The following CFAP61 variants were observed in gnomAD, a reference collection of about 807,000 sequenced individuals.
CFAP61 encodes the protein cilia- and flagella-associated protein 61.
Under a neutral mutation model 135.6 loss-of-function variants are expected in CFAP61, and 107 were observed. The ratio of observed to expected loss-of-function variants is 0.79; its 90% CI spans 0.67 to 0.93. CFAP61 has a LOEUF of 0.93. Among genes scored for constraint, CFAP61 ranks in the 40% least tolerant of loss-of-function variants. The probability of loss-of-function intolerance (pLI) is 0.00; values close to 1 mark genes in which losing one functional copy is unlikely to be tolerated. For missense variants in CFAP61, 1,507 were observed against 1,556.2 expected, an observed-to-expected ratio of 0.97 and a Z score of 0.53; for synonymous variants, 575 against 578.5, an observed-to-expected ratio of 0.99 and a Z score of 0.09.
chr20:20,175,477 GT>G (rs1371727165), intron 13 of CFAP61, among the ~76,000 whole-genome samples: 68 of 145,690 alleles, frequency 4.7e-4, no homozygotes, highest in African/African-American at 1.7e-3. Context: ...GGGGCTTCTG[GT>G]TTTTTTTTTG....
intron 9 of CFAP61, among the ~76,000 whole-genome samples, chr20:20,148,467 T>A (rs1027473564): frequency 3.9e-5 from 6 of 152,210 alleles, no homozygotes; most frequent in African/African-American, 1.4e-4. Flanking sequence ...ATCTTTCACC[T>A]CCTTGGTTAA....
chr20:20,109,614 G>A (rs1243197624), intron 8 of CFAP61, among the ~76,000 whole-genome samples: 2 of 152,160 alleles, frequency 1.3e-5, no homozygotes, highest in Admixed American at 6.5e-5. Flanking sequence ...GCTCACAAAC[G>A]ACATGGACCC....
intron 15 of CFAP61, among the ~76,000 whole-genome samples, chr20:20,194,857 A>G (rs576691588): frequency 6.6e-6 from 1 of 152,224 alleles, no homozygotes; most frequent in Admixed American, 6.5e-5. Context: ...TTTGTCCTCC[A>G]TTATGCTCTC....
intron 2 of CFAP61, among the ~76,000 whole-genome samples, chr20:20,058,606 A>G (rs2044552688): frequency 2.0e-5 from 3 of 152,260 alleles, no homozygotes; most frequent in Admixed American, 2.0e-4. Context: ...AAAAATGGAC[A>G]GTGAGGGCTC....
At chr20:20,263,905 A>G (rs1195234031) in intron 21 of CFAP61, among the ~76,000 whole-genome samples, 2 of 152,202 alleles carry the variant, frequency 1.3e-5, no homozygotes, top group African/African-American at 4.8e-5. Flanking sequence ...CAGGGATGTA[A>G]AACCACTAAG....
intron 8 of CFAP61, among the ~76,000 whole-genome samples, chr20:20,120,365 A>G (rs1009957734): frequency 1.3e-5 from 2 of 152,096 alleles, no homozygotes; most frequent in Admixed American, 1.3e-4. Flanking sequence ...GAAATTTTTA[A>G]ATTTCCATCT....
intron 17 of CFAP61, among the ~76,000 whole-genome samples, chr20:20,206,082 G>C (rs1349687047): frequency 6.6e-6 from 1 of 152,106 alleles, no homozygotes; most frequent in African/African-American, 2.4e-5. Context: ...ACTGGGCAGT[G>C]GTCAGGTGGC....
At chr20:20,070,427 T>C (rs1166616304) in intron 2 of CFAP61, among the ~76,000 whole-genome samples, 1 of 152,170 alleles carries the variant, frequency 6.6e-6, no homozygotes, top group Non-Finnish European at 1.5e-5. Flanking sequence ...CTTTCATTTT[T>C]TTAATGCCAT....
chr20:20,190,459 G>A (rs768503830), intron 14 of CFAP61, among the ~76,000 whole-genome samples: 4 of 152,202 alleles, frequency 2.6e-5, no homozygotes, highest in Admixed American at 6.5e-5. Context: ...TTAAGGATGC[G>A]GGGAGGGTGG....
chr20:20,269,183 A>ACC, intron 21 of CFAP61, among the ~76,000 whole-genome samples: 1 of 73,922 alleles, frequency 1.4e-5, no homozygotes, highest in African/African-American at 4.4e-5. Context: ...ATGTATATAC[A>ACC]CACACATATA....
intron 21 of CFAP61, chr20:20,265,697 T>C (rs952317771): frequency 1.1e-5 from 6 of 541,236 alleles, no homozygotes; most frequent in Non-Finnish European, 2.0e-5. Flanking sequence ...AACACTGAAA[T>C]GCTAGGACCA....
intron 12 of CFAP61, 38 bp downstream of exon 12, chr20:20,166,474 G>C (rs1374961976): frequency 6.5e-7 from 1 of 1,533,062 alleles, no homozygotes; most frequent in East Asian, 2.2e-5. Context: ...GATTTTGTAA[G>C]CTTAGAGAAC....
Position 20,333,189 on chromosome 20 carries a change from A to C in CFAP61, c.3423-8642A>C, listed in dbSNP as rs143729476. ...AGCCTACACAAACATATGCAATAGGATAATTAAGAACAATAGCAGTAATAA... is the reference window on the plus strand; with the variant it reads ...AGCCTACACAAACATATGCAATAGGCTAATTAAGAACAATAGCAGTAATAA... On this transcript the variant is annotated intron_variant, in intron 25 of 26. Coordinates refer to ENST00000245957, the MANE Select transcript of CFAP61 (RefSeq NM_015585.4). 1.4e-3 allele frequency among the ~76,000 whole-genome samples: 210 copies of C among 152,328 alleles called. 2 individuals are homozygous for C. The South Asian group carries it at 0.017, about 13-fold the overall frequency.
intron 25 of CFAP61, among the ~76,000 whole-genome samples, chr20:20,303,795 G>A (rs1027149403): frequency 2.6e-5 from 4 of 152,172 alleles, no homozygotes; most frequent in African/African-American, 9.7e-5. Flanking sequence ...CTCAGTGCCC[G>A]CTGCTGCCGG....
At chr20:20,063,148 C>T (rs1451512418) in intron 2 of CFAP61, among the ~76,000 whole-genome samples, 1 of 151,944 alleles carries the variant, frequency 6.6e-6, no homozygotes, top group Non-Finnish European at 1.5e-5. Flanking sequence ...AGCAGTCCTA[C>T]CAAAGATTCA....
At chr20:20,263,971 A>G (rs1569212307) in intron 21 of CFAP61, among the ~76,000 whole-genome samples, 1 of 152,178 alleles carries the variant, frequency 6.6e-6, no homozygotes. Flanking sequence ...TATTTAATAC[A>G]TGTATATAAA....
At chr20:20,231,433 C>T (rs1181776178) in intron 18 of CFAP61, among the ~76,000 whole-genome samples, 1 of 152,050 alleles carries the variant, frequency 6.6e-6, no homozygotes, top group Non-Finnish European at 1.5e-5. Context: ...TCCTCCGTGC[C>T]CTCCTGCTCC....
chr20:20,238,424 A>G (rs186150093), intron 18 of CFAP61, among the ~76,000 whole-genome samples: 38 of 152,360 alleles, frequency 2.5e-4, no homozygotes, highest in African/African-American at 9.1e-4. Context: ...CAGAGGTTTT[A>G]GTAAATTAAA....
chr20:20,286,259 T>C (rs1301826540), intron 22 of CFAP61, among the ~76,000 whole-genome samples: 2 of 152,250 alleles, frequency 1.3e-5, no homozygotes, highest in African/African-American at 4.8e-5. Flanking sequence ...ACATCCTGCC[T>C]GATAGTGGCG....
Sources: allele counts gnomAD v4.1 joint callset (sites outside exome capture counted in the v4.1 genomes callset), GRCh38; gene constraint gnomAD v4.1.1; transcripts MANE v1.5; gene names NCBI Gene and HGNC (gene_info 2026-07-23, HGNC 2026-07-21).